Variants in ZNF736 observed in about 807,000 individuals in gnomAD.
ZNF736 encodes zinc finger protein 736.
In ZNF736, 6 loss-of-function variants were observed where a neutral mutation model predicts 11.7. The observed-to-expected ratio is 0.51, with a 90% CI of 0.28 to 1.01. ZNF736 has a LOEUF of 1.01. Ranked by LOEUF, ZNF736 falls within the 50% of genes least tolerant of loss-of-function variation. ZNF736 has a pLI of 0.09. For missense variants in ZNF736, 444 were observed against 496.0 expected, an observed-to-expected ratio of 0.90 and a Z score of 1.00; for synonymous variants, 139 against 164.7, an observed-to-expected ratio of 0.84 and a Z score of 1.19.
chr7:64,343,730 T>A (rs1584275485), intron 3 of ZNF736, among the ~76,000 whole-genome samples: 1 of 152,224 alleles, frequency 6.6e-6, no homozygotes, highest in Admixed American at 6.5e-5. Context: ...TTTTATATTT[T>A]AGTGGCTTAT....
In ZNF736 at chr7:64,348,453, TAG is replaced by T. The variant is rs745760926; in HGVS notation, c.596_597del (p.Arg199MetfsTer5). On this transcript the variant is annotated frameshift_variant, in exon 4 of 4. Transcript: ENST00000423484. LOFTEE classifies it low-confidence loss of function (END_TRUNC). ...ACTAGACATAAGAAAATTCATACTG[TAG>T]AGAGATGCTACAAATGTGAAGAATG... is the stretch of plus-strand genomic sequence containing the variant. 1 of 1,546,548 alleles carries T rather than the reference TAG, an allele frequency of 6.5e-7. No individual in the cohort carries two copies. Among genetic ancestry groups the T allele is most frequent in the Non-Finnish European group, 8.7e-7 (1 of 1,144,636 alleles).
In ZNF736 at chr7:64,355,379, C is replaced by CTTTTTTTTTTTT. The variant is rs201484182; in HGVS notation, c.*6234_*6245dup. ...ATTTCAAGTAGATTTAATTCTAGAT[C>CTTTTTTTTTTTT]TTTTTTTTTTTTTCTTTTTTTGAGA... On this transcript the variant is annotated 3_prime_UTR_variant, in exon 4 of 4. Transcript: ENST00000423484. The CTTTTTTTTTTTT allele has an allele frequency of 1.4e-5, 2 of 147,064 alleles. No homozygotes were observed. Among genetic ancestry groups the CTTTTTTTTTTTT allele is most frequent in the African/African-American group, 2.5e-5 (1 of 39,900 alleles). The allele number at this position is 147,064 out of a possible 1,614,324, so 9.1% of individuals were successfully genotyped here.
chr7:64,341,203 T>C (rs1320315047), intron 3 of ZNF736, among the ~76,000 whole-genome samples: 1 of 152,144 alleles, frequency 6.6e-6, no homozygotes, highest in Non-Finnish European at 1.5e-5. Context: ...ATTTTTGTTA[T>C]TGAGCATACT....
intron 1 of ZNF736, among the ~76,000 whole-genome samples, chr7:64,332,693 A>C (rs745749117): frequency 1.3e-5 from 2 of 152,030 alleles, no homozygotes. Context: ...TCTCAACCAC[A>C]CAAGACAGAC....
chr7:64,323,744 G>T (rs7796802), intron 1 of ZNF736, among the ~76,000 whole-genome samples: 107 of 151,976 alleles, frequency 7.0e-4, no homozygotes, highest in African/African-American at 2.5e-3. Flanking sequence ...GTCAGGGGGC[G>T]GGGAAAGCAT....
rs534404732 is a variant in ZNF736, at chr7:64,329,467, A to AG, written c.4-6787dup. ...TGATCATTGCAGTCATATCTGCATT[A>AG]GGGGGCACCCCAATTTGAATAACAC... On this transcript the variant is annotated intron_variant, in intron 1 of 3. Coordinates refer to ENST00000423484, the MANE Select transcript of ZNF736 (RefSeq NM_001170905.3). Among the ~76,000 whole-genome samples the AG allele has an allele frequency of 9.6e-4, 146 of 152,268 alleles. 1 individual carries two copies. The highest frequency in any genetic ancestry group is 3.4e-3 in the African/African-American group (140 of 41,562).
intron 3 of ZNF736, chr7:64,337,391 T>A: frequency 5.7e-6 from 1 of 175,586 alleles, no homozygotes; most frequent in South Asian, 1.3e-4. Flanking sequence ...GTCTAAATAT[T>A]TAAGTTTTGG....
chr7:64,325,928 A>C (rs951121180), intron 1 of ZNF736, among the ~76,000 whole-genome samples: 2 of 152,156 alleles, frequency 1.3e-5, no homozygotes, highest in African/African-American at 4.8e-5. Context: ...ATTTTCATTG[A>C]ATATACCCAA....
chr7:64,329,252 C>T (rs1287128104), intron 1 of ZNF736, among the ~76,000 whole-genome samples: 1 of 151,860 alleles, frequency 6.6e-6, no homozygotes, highest in African/African-American at 2.4e-5. Flanking sequence ...CACACTAGTG[C>T]CTTATTTAGC....
At chr7:64,336,519 G>C in intron 2 of ZNF736, 134 bp downstream of exon 2, 1 of 936,556 alleles carries the variant, frequency 1.1e-6, no homozygotes, top group South Asian at 2.2e-5. Flanking sequence ...GGTATCTGTT[G>C]AGGTAGAAAA....
At chr7:64,329,900 T>A (rs1375396121) in intron 1 of ZNF736, among the ~76,000 whole-genome samples, 1 of 152,046 alleles carries the variant, frequency 6.6e-6, no homozygotes, top group African/African-American at 2.4e-5. Context: ...GAACATGGAG[T>A]CAGAAACCTT....
At chr7:64,337,975 G>A (rs571110080) in intron 3 of ZNF736, among the ~76,000 whole-genome samples, 33 of 152,026 alleles carry the variant, frequency 2.2e-4, no homozygotes, top group African/African-American at 7.2e-4. Flanking sequence ...GGCTGGTCTC[G>A]AACTCCCAAC....
chr7:64,313,998 C>A lies in ZNF736; in HGVS notation c.-153C>A. The A allele has an allele frequency of 9.6e-7, 1 of 1,046,856 alleles. No individual in the cohort carries two copies. Among genetic ancestry groups the A allele is most frequent in the Non-Finnish European group, 1.4e-6 (1 of 707,576 alleles). 64.8% of individuals were successfully genotyped at this position (1,046,856 alleles called of 1,614,324 possible). A position where few individuals can be genotyped will look rare whatever the true frequency, so the allele number is the denominator to read the frequency against. ...ATATGGCGGGGCCTTTGTCTCCTAGCTTCCGGGCTCTGATCCTAGTTCGCG... is the reference window on the plus strand; with the variant it reads ...ATATGGCGGGGCCTTTGTCTCCTAGATTCCGGGCTCTGATCCTAGTTCGCG... On this transcript the variant is annotated 5_prime_UTR_variant, in exon 1 of 4. Transcript: ENST00000423484.
At chr7:64,326,995 G>A (rs12333481) in intron 1 of ZNF736, among the ~76,000 whole-genome samples, 13,614 of 152,150 alleles carry the variant, frequency 0.089, 994 homozygotes, top group African/African-American at 0.19. Flanking sequence ...TAATCCAAGG[G>A]CTGAAGTGTA....
rs1465066786 is a variant in ZNF736, at chr7:64,337,755, GGTTT to G, written c.226+774_226+777del. Among the ~76,000 whole-genome samples, 151 of 86,236 alleles carry G rather than the reference GGTTT, an allele frequency of 1.8e-3. 1 individual carries two copies. Among genetic ancestry groups the G allele is most frequent in the African/African-American group, 9.0e-3 (139 of 15,472 alleles). 56.6% of individuals were successfully genotyped at this position (86,236 alleles called of 152,430 possible). On this transcript the variant is annotated intron_variant, in intron 3 of 3. Coordinates refer to ENST00000423484, the MANE Select transcript of ZNF736 (RefSeq NM_001170905.3). ...TGTTTTGTTTTGTTTTGTTTTTTTT[GGTTT>G]TTTTTTTTTTTTGAGACAGAGTTTT...
intron 1 of ZNF736, among the ~76,000 whole-genome samples, chr7:64,318,009 A>C (rs1788940780): frequency 6.6e-6 from 1 of 151,968 alleles, no homozygotes; most frequent in Non-Finnish European, 1.5e-5. Flanking sequence ...TTAGTTACGA[A>C]TCTTGGGCAG....
At chr7:64,319,610 C>T (rs1320379362) in intron 1 of ZNF736, among the ~76,000 whole-genome samples, 1 of 148,142 alleles carries the variant, frequency 6.8e-6, no homozygotes, top group Non-Finnish European at 1.5e-5. Context: ...ATTTTCCTGC[C>T]TCAGCCTCCC....
intron 1 of ZNF736, among the ~76,000 whole-genome samples, chr7:64,319,331 GTGTATATATATATATATATA>G (rs1250072941): frequency 3.7e-4 from 28 of 75,528 alleles, no homozygotes; most frequent in African/African-American, 7.2e-4. Context: ...GTGTGTGTAT[GTGTATATATATATATATATA>G]TATATATATA....
chr7:64,352,856 A>C lies in ZNF736; in HGVS notation c.*3709A>C, dbSNP rs1159703514. Reference sequence around the variant, plus strand: ...TGGTAGCTCCATCCCAGGGAGGTGCAGTGCTGCTACCAATGGTTGGCTGGA... The same window carrying C: ...TGGTAGCTCCATCCCAGGGAGGTGCCGTGCTGCTACCAATGGTTGGCTGGA... On this transcript the variant is annotated 3_prime_UTR_variant, in exon 4 of 4. Coordinates refer to ENST00000423484, the MANE Select transcript of ZNF736 (RefSeq NM_001170905.3). 1 of 152,280 alleles carries C rather than the reference A, an allele frequency of 6.6e-6. No individual in the cohort carries two copies. Among genetic ancestry groups the C allele is most frequent in the Non-Finnish European group, 1.5e-5 (1 of 68,094 alleles). The allele number at this position is 152,280 out of a possible 1,614,324, so 9.4% of individuals were successfully genotyped here.
Sources: gnomAD v4.1 joint callset for allele counts (sites outside exome capture counted in the v4.1 genomes callset) on GRCh38, gnomAD v4.1.1 for gene constraint, MANE v1.5 for transcripts, NCBI Gene and HGNC (gene_info 2026-07-23, HGNC 2026-07-21) for gene names.